Variants in VWA8 observed in about 807,000 individuals in gnomAD.
VWA8 encodes the protein von Willebrand factor A domain containing 8.
Under a neutral mutation model 241.5 loss-of-function variants are expected in VWA8, and 221 were observed. That is an observed-to-expected ratio of 0.91 (90% CI 0.82 to 1.02). The LOEUF (loss-of-function observed/expected upper bound fraction) is 1.02. Ranked by LOEUF, VWA8 falls within the 50% of genes least tolerant of loss-of-function variation. The pLI is 0.00. For synonymous variants in VWA8, 852 were observed against 827.1 expected (o/e 1.03, Z -0.52); for missense variants, 2,322 against 2,328.7 (o/e 1.00, Z 0.06).
At chr13:41,609,413 G>A (rs1027045678) in intron 39 of VWA8, among the ~76,000 whole-genome samples, 14 of 152,132 alleles carry the variant, frequency 9.2e-5, no homozygotes, top group Non-Finnish European at 1.8e-4. Flanking sequence ...ATATTATGCA[G>A]ATACACTTGG....
At chr13:41,741,705 C>T (rs770927332) in intron 21 of VWA8, among the ~76,000 whole-genome samples, 8 of 152,138 alleles carry the variant, frequency 5.3e-5, no homozygotes, top group South Asian at 2.1e-4. Flanking sequence ...AATTATAAAA[C>T]GAATTATATT....
At chr13:41,907,049 A>C (rs1244999011) in intron 4 of VWA8, among the ~76,000 whole-genome samples, 5 of 152,146 alleles carry the variant, frequency 3.3e-5, no homozygotes, top group Admixed American at 3.3e-4. Flanking sequence ...TCCTAAGAAC[A>C]ATATTTTAAA....
Position 41,692,949 on chromosome 13 carries a change from A to G in VWA8, c.3588T>C (p.Asp1196=). ...GACGATGAAGGGCCCGGCCAGTAGT[A>G]TCTAACAACAGGATAACATTACTCT... ...EQQSNVILLL[D]TTGRALHRLI... is the part of the protein sequence containing the mutation. The change falls in exon 30 of 45, where the codon GAT becomes GAC. Residue 1196 remains aspartate (D), a synonymous_variant. Coordinates refer to ENST00000379310, the MANE Select transcript of VWA8 (RefSeq NM_015058.2). The G allele has an allele frequency of 6.2e-7, 1 of 1,609,764 alleles. No individual in the cohort carries two copies. Among genetic ancestry groups the G allele is most frequent in the Non-Finnish European group, 8.5e-7 (1 of 1,177,216 alleles).
At chr13:41,766,060 C>A (rs551899524) in intron 20 of VWA8, among the ~76,000 whole-genome samples, 5 of 151,932 alleles carry the variant, frequency 3.3e-5, no homozygotes, top group Non-Finnish European at 7.4e-5. Context: ...TATGTGAAGC[C>A]CCACAGACAG....
intron 14 of VWA8, among the ~76,000 whole-genome samples, chr13:41,827,755 A>C (rs981220945): frequency 2.0e-5 from 3 of 152,234 alleles, no homozygotes; most frequent in African/African-American, 7.2e-5. Flanking sequence ...GAAAACTTTG[A>C]GAAGAAAGTA....
chr13:41,877,076 A>G (rs1173757146), intron 9 of VWA8, among the ~76,000 whole-genome samples: 2 of 152,084 alleles, frequency 1.3e-5, no homozygotes, highest in African/African-American at 4.8e-5. Context: ...CAAGTCTGCT[A>G]GATAAAACCA....
At chr13:41,951,979 A>T (rs1250858586) in intron 1 of VWA8, among the ~76,000 whole-genome samples, 1 of 152,224 alleles carries the variant, frequency 6.6e-6, no homozygotes, top group East Asian at 1.9e-4. Context: ...GCCAGAAAAA[A>T]GCAAGGCAAA....
Position 41,687,979 on chromosome 13 carries a change from G to A in VWA8, c.4131+1375C>T, listed in dbSNP as rs1593697409. Among the ~76,000 whole-genome samples the A allele has an allele frequency of 2.0e-5, 3 of 152,156 alleles. No individual in the cohort carries two copies. In the South Asian group the frequency reaches 6.2e-4, roughly 32 times the overall value. ...TCTATATTGATTTCTTCAATCAGAA[G>A]AAGGTAATTAGAAGATCAATTTTTA... On this transcript the variant is annotated intron_variant, in intron 34 of 44. Transcript: ENST00000379310.
intron 12 of VWA8, among the ~76,000 whole-genome samples, chr13:41,852,262 T>C (rs144350660): frequency 6.6e-4 from 100 of 152,314 alleles, no homozygotes; most frequent in African/African-American, 2.2e-3. Flanking sequence ...GAAATGTCTA[T>C]TCAGGTTCTT....
intron 24 of VWA8, 65 bp from the exon 25 acceptor site, chr13:41,721,640 T>C (rs567502746): frequency 6.6e-7 from 1 of 1,507,134 alleles, no homozygotes. Flanking sequence ...CAGGAAAAAA[T>C]GGAATGGTTG....
At chr13:41,657,119 G>C (rs1351425797) in intron 37 of VWA8, among the ~76,000 whole-genome samples, 1 of 152,084 alleles carries the variant, frequency 6.6e-6, no homozygotes, top group Non-Finnish European at 1.5e-5. Context: ...AAATTACACG[G>C]AGAGACATGC....
chr13:41,680,410 TTCTC>T (rs1173322880), intron 35 of VWA8, among the ~76,000 whole-genome samples: 5 of 152,140 alleles, frequency 3.3e-5, no homozygotes, highest in African/African-American at 2.4e-5. Flanking sequence ...TTTTCATTCT[TTCTC>T]TCTTTTTTTA....
At chr13:41,705,662 ATTT>A (rs1350071222) in intron 26 of VWA8, among the ~76,000 whole-genome samples, 3 of 151,972 alleles carry the variant, frequency 2.0e-5, no homozygotes, top group African/African-American at 7.2e-5. Context: ...CTAAGTATTA[ATTT>A]TTTTTCTTTT....
chr13:41,591,154 C>T (rs2044452056), intron 40 of VWA8, among the ~76,000 whole-genome samples: 1 of 152,078 alleles, frequency 6.6e-6, no homozygotes, highest in African/African-American at 2.4e-5. Flanking sequence ...GAAAATGTGA[C>T]CTTTAGAATT....
chr13:41,776,270 A>G (rs1868587602), intron 20 of VWA8, among the ~76,000 whole-genome samples: 1 of 152,188 alleles, frequency 6.6e-6, no homozygotes, highest in Non-Finnish European at 1.5e-5. Context: ...TGAGTGCACC[A>G]AGGTTTAACT....
chr13:41,586,502 C>G, intron 42 of VWA8, among the ~76,000 whole-genome samples: 1 of 152,218 alleles, frequency 6.6e-6, no homozygotes, highest in East Asian at 1.9e-4. Flanking sequence ...TCTTCTTCCA[C>G]TTAATTCTAA....
intron 37 of VWA8, among the ~76,000 whole-genome samples, chr13:41,631,961 C>A (rs916056864): frequency 2.0e-5 from 3 of 152,108 alleles, no homozygotes; most frequent in African/African-American, 7.2e-5. Flanking sequence ...ATGGGTAGGG[C>A]AAGCTGTCAG....
At chr13:41,881,886 C>T (rs1332607664) in intron 9 of VWA8, among the ~76,000 whole-genome samples, 2 of 146,270 alleles carry the variant, frequency 1.4e-5, no homozygotes, top group African/African-American at 2.5e-5. Flanking sequence ...CCGGACGGGG[C>T]GGCTGGCCTG....
At chr13:41,587,275 G>A (rs1252174250) in intron 42 of VWA8, among the ~76,000 whole-genome samples, 1 of 152,186 alleles carries the variant, frequency 6.6e-6, no homozygotes, top group Non-Finnish European at 1.5e-5. Context: ...CTTCTAAGCA[G>A]CTCATTTTTT....
Sources: gnomAD v4.1 joint callset for allele counts (sites outside exome capture counted in the v4.1 genomes callset) on GRCh38, gnomAD v4.1.1 for gene constraint, MANE v1.5 for transcripts, NCBI Gene and HGNC (gene_info 2026-07-23, HGNC 2026-07-21) for gene names.